USP12: variants seen among roughly 807,000 people sequenced by gnomAD.
USP12 encodes ubiquitin carboxyl-terminal hydrolase 12.
In USP12, 19 loss-of-function variants were observed where a neutral mutation model predicts 45.5. The observed-to-expected ratio is 0.42, with a 90% CI of 0.29 to 0.61. The LOEUF is 0.61. Among genes scored for constraint, USP12 ranks in the 20% least tolerant of loss-of-function variants. The pLI is 0.22. For missense variants in USP12, 242 were observed against 447.7 expected, an observed-to-expected ratio of 0.54 and a Z score of 4.15; for synonymous variants, 149 against 148.8, an observed-to-expected ratio of 1.00 and a Z score of -0.01.
At chr13:27,150,329 TTAAA>T (rs1446089519) in intron 1 of USP12, among the ~76,000 whole-genome samples, 15 of 152,072 alleles carry the variant, frequency 9.9e-5, no homozygotes, top group Non-Finnish European at 1.8e-4. Flanking sequence ...TCAAAATGAT[TTAAA>T]TAAGTAGGAA....
At chr13:27,100,706 C>T (rs1181923029) in intron 3 of USP12, among the ~76,000 whole-genome samples, 3 of 152,168 alleles carry the variant, frequency 2.0e-5, no homozygotes, top group Non-Finnish European at 4.4e-5. Flanking sequence ...AACAGGTCCA[C>T]TAAGGCAAGG....
intron 1 of USP12, chr13:27,117,893 T>C: frequency 2.0e-6 from 1 of 510,878 alleles, no homozygotes. Flanking sequence ...TGGTGGGGGA[T>C]GACACACAAG....
intron 1 of USP12, among the ~76,000 whole-genome samples, chr13:27,145,126 C>G (rs1029564425): frequency 6.6e-6 from 1 of 152,128 alleles, no homozygotes; most frequent in African/African-American, 2.4e-5. Context: ...TGTAGCCATC[C>G]CACTCTTCAC....
chr13:27,075,461 G>A (rs1201965205), intron 6 of USP12, 73 bp from the exon 7 acceptor site: 24 of 1,322,554 alleles, frequency 1.8e-5, no homozygotes, highest in South Asian at 1.3e-4. Flanking sequence ...CAAACTTTAC[G>A]ATATCCAATG....
At chr13:27,069,698 A>G (rs1444215658) in intron 8 of USP12, among the ~76,000 whole-genome samples, 1 of 152,240 alleles carries the variant, frequency 6.6e-6, no homozygotes, top group Non-Finnish European at 1.5e-5. Flanking sequence ...CTGTAATCCC[A>G]GTACTGTGGG....
At chr13:27,111,021 A>G (rs1875415551) in intron 2 of USP12, among the ~76,000 whole-genome samples, 1 of 152,188 alleles carries the variant, frequency 6.6e-6, no homozygotes, top group South Asian at 2.1e-4. Context: ...GGGAGTCTCT[A>G]TTTTGTAGAC....
intron 2 of USP12, among the ~76,000 whole-genome samples, chr13:27,110,843 A>C (rs1875404894): frequency 6.6e-6 from 1 of 152,224 alleles, no homozygotes; most frequent in Non-Finnish European, 1.5e-5. Flanking sequence ...GAGAAGATAC[A>C]ATCTCCATAT....
intron 2 of USP12, among the ~76,000 whole-genome samples, chr13:27,108,005 C>T (rs1463951381): frequency 4.6e-5 from 7 of 152,056 alleles, no homozygotes; most frequent in Admixed American, 3.3e-4. Flanking sequence ...ACTAGAAATA[C>T]CATTTGACCC....
intron 6 of USP12, chr13:27,077,847 C>G (rs968176322): frequency 6.6e-6 from 1 of 152,090 alleles, no homozygotes; most frequent in Non-Finnish European, 1.5e-5. Flanking sequence ...GGCTTTCCTT[C>G]CATTCAAACT....
At chr13:27,093,454 G>T (rs1291560440) in intron 4 of USP12, among the ~76,000 whole-genome samples, 1 of 152,092 alleles carries the variant, frequency 6.6e-6, no homozygotes. Flanking sequence ...ATGTCATTAG[G>T]GCCTTGCAAA....
At chr13:27,074,853 C>T (rs558477238) in intron 7 of USP12, among the ~76,000 whole-genome samples, 8 of 152,182 alleles carry the variant, frequency 5.3e-5, no homozygotes, top group Admixed American at 1.3e-4. Flanking sequence ...GCTGAACATA[C>T]GCAATTAAAC....
rs1876414838 is a variant in USP12, at chr13:27,129,903, C to CTGTT, written c.49-13308_49-13307insAACA. Among the ~76,000 whole-genome samples, 1 of 152,034 alleles carries CTGTT rather than the reference C, an allele frequency of 6.6e-6. No individual in the cohort carries two copies. Among genetic ancestry groups the CTGTT allele is most frequent in the South Asian group, 2.1e-4 (1 of 4,830 alleles). On this transcript the variant is annotated intron_variant, in intron 1 of 8. Transcript: ENST00000282344. This position sits in a 1 kb window ranked among gnomAD's most constrained non-coding sequence, Gnocchi z 4.0. ...ATCCAAAACATACGAGTGGAGTGAC[C>CTGTT]AACATGAAAAATGGCAGAGTAGAAA...
At chr13:27,096,435 C>A (rs1405641857) in intron 3 of USP12, among the ~76,000 whole-genome samples, 3 of 152,132 alleles carry the variant, frequency 2.0e-5, no homozygotes, top group Non-Finnish European at 4.4e-5. Flanking sequence ...TATAATTCCA[C>A]AAAACGTTCC....
rs529350281 is a variant in USP12, at chr13:27,171,585, C to T, written c.48+7G>A. On this transcript the variant is annotated splice_region_variant and intron_variant, in intron 1 of 8. Coordinates refer to ENST00000282344, the MANE Select transcript of USP12 (RefSeq NM_182488.4). The stretch of plus-strand genomic sequence containing the variant: ...GCAGCCCCGGCCGCCCGCTCGCCGC[C>T]ACCTACCATGGTACAGATGGAGGCG... 7 of 1,262,418 alleles carry T rather than the reference C, an allele frequency of 5.5e-6. No individual in the cohort carries two copies. In the African/African-American group the frequency reaches 9.6e-5, roughly 17 times the overall value. The allele number at this position is 1,262,418 out of a possible 1,614,324, so 78.2% of individuals were successfully genotyped here.
At chr13:27,152,155 A>G (rs1006629565) in intron 1 of USP12, among the ~76,000 whole-genome samples, 1 of 152,220 alleles carries the variant, frequency 6.6e-6, no homozygotes, top group Admixed American at 6.5e-5. Context: ...AAAACAAAAC[A>G]TATGTCCATA....
chr13:27,160,953 T>C (rs1235958753), intron 1 of USP12, among the ~76,000 whole-genome samples: 1 of 151,910 alleles, frequency 6.6e-6, no homozygotes, highest in Non-Finnish European at 1.5e-5. Context: ...CCTCCCGCCA[T>C]CCTCCCCACA....
chr13:27,105,624 C>A, intron 3 of USP12, 107 bp downstream of exon 3: 1 of 1,083,248 alleles, frequency 9.2e-7, no homozygotes, highest in Non-Finnish European at 1.3e-6. Context: ...TCTTCAACAG[C>A]TAACATGTTA....
intron 2 of USP12, 107 bp downstream of exon 2, chr13:27,116,409 C>A (rs1379879643): frequency 4.2e-5 from 35 of 835,468 alleles, no homozygotes; most frequent in East Asian, 2.4e-4. Flanking sequence ...GCATTTAATT[C>A]TATTAATAGA....
chr13:27,115,289 A>G (rs1364957950), intron 2 of USP12, among the ~76,000 whole-genome samples: 1 of 152,180 alleles, frequency 6.6e-6, no homozygotes, highest in Non-Finnish European at 1.5e-5. Flanking sequence ...CCAGAAAAAA[A>G]TAAGTGAGAG....
Sources: allele counts gnomAD v4.1 joint callset (sites outside exome capture counted in the v4.1 genomes callset), GRCh38; gene constraint gnomAD v4.1.1; non-coding constraint Gnocchi (gnomAD v3.1); transcripts MANE v1.5; gene names NCBI Gene and HGNC (gene_info 2026-07-23, HGNC 2026-07-21).